The following STIM1 variants were observed in gnomAD, a reference collection of about 807,000 sequenced individuals.
STIM1 encodes the protein stromal interaction molecule 1.
Under a neutral mutation model 74.7 loss-of-function variants are expected in STIM1, and 25 were observed. The observed-to-expected ratio is 0.33, with a 90% CI of 0.24 to 0.47. STIM1 has a LOEUF of 0.47. Among genes scored for constraint, STIM1 ranks in the 20% least tolerant of loss-of-function variants. STIM1 has a pLI of 1.00. For synonymous variants in STIM1, 328 were observed against 348.8 expected, an observed-to-expected ratio of 0.94 and a Z score of 0.66; for missense variants, 728 against 920.8, an observed-to-expected ratio of 0.79 and a Z score of 2.71.
chr11:3,856,228 C>T lies in STIM1; in HGVS notation c.-43C>T, dbSNP rs1404105494. 1.9e-6 allele frequency: 3 copies of T among 1,613,248 alleles called. No individual in the cohort carries two copies. Among genetic ancestry groups the T allele is most frequent in the East Asian group, 4.5e-5 (2 of 44,874 alleles). On this transcript the variant is annotated 5_prime_UTR_variant, in exon 1 of 13. Transcript: ENST00000526596. ...GCTCCTGGCTTTGCCTCTGGGATCC[C>T]GAGGTGTCCACATCAGACGCATGTT...
intron 2 of STIM1, among the ~76,000 whole-genome samples, chr11:3,978,500 C>T (rs2093471467): frequency 6.6e-6 from 1 of 150,682 alleles, no homozygotes; most frequent in Admixed American, 6.6e-5. Flanking sequence ...GTGGCTCATG[C>T]CTGTAATCCC....
chr11:4,025,692 G>T (rs1486746293), intron 3 of STIM1, among the ~76,000 whole-genome samples: 1 of 152,186 alleles, frequency 6.6e-6, no homozygotes, highest in Non-Finnish European at 1.5e-5. Flanking sequence ...TCTAGGAAAG[G>T]AAAGTGAGAG....
At chr11:3,948,550 C>G (rs1161929615) in intron 1 of STIM1, among the ~76,000 whole-genome samples, 1 of 152,148 alleles carries the variant, frequency 6.6e-6, no homozygotes, top group Non-Finnish European at 1.5e-5. Flanking sequence ...GACAACTTTT[C>G]TAGCTCTACA....
chr11:4,028,113 C>T (rs1200945007), intron 3 of STIM1, among the ~76,000 whole-genome samples: 2 of 151,914 alleles, frequency 1.3e-5, no homozygotes, highest in Non-Finnish European at 2.9e-5. Flanking sequence ...GACAGAGTCT[C>T]ACTCTGTAGC....
intron 1 of STIM1, among the ~76,000 whole-genome samples, chr11:3,912,929 C>T (rs1365571979): frequency 2.0e-5 from 3 of 152,190 alleles, no homozygotes; most frequent in Non-Finnish European, 2.9e-5. Context: ...TGTGGTGCTT[C>T]TCTTTCCCTT....
chr11:4,057,767 G>A (rs377680174), intron 4 of STIM1, among the ~76,000 whole-genome samples: 2 of 152,054 alleles, frequency 1.3e-5, no homozygotes, highest in Non-Finnish European at 2.9e-5. Flanking sequence ...CTACTCGGGA[G>A]GCTGAGGCAG....
intron 1 of STIM1, among the ~76,000 whole-genome samples, chr11:3,895,627 T>C (rs1590537311): frequency 2.1e-4 from 1 of 4,770 alleles, no homozygotes; most frequent in Non-Finnish European, 7.2e-4. Context: ...TCTTTCTTTC[T>C]TTCTTTCTTT....
intron 3 of STIM1, among the ~76,000 whole-genome samples, chr11:4,034,988 CT>C (rs2094086654): frequency 1.3e-5 from 2 of 152,022 alleles, no homozygotes; most frequent in African/African-American, 4.8e-5. Flanking sequence ...CTTTTCTTTA[CT>C]GATTGGTCTT....
In STIM1 at chr11:3,954,667, G is replaced by T. The variant is rs143784788; in HGVS notation, c.140-12885G>T. Among the ~76,000 whole-genome samples, 47 of 152,278 alleles carry T rather than the reference G, an allele frequency of 3.1e-4. 1 individual carries two copies. The highest frequency in any genetic ancestry group is 4.6e-4 in the Admixed American group (7 of 15,300). On this transcript the variant is annotated intron_variant, in intron 1 of 12. Coordinates refer to ENST00000526596, the MANE Select transcript of STIM1 (RefSeq NM_001382567.1). ...AGATCAGCAGCATGAGTCAGAATTTGCAGGTTAAGAAAGAAGTAAGAGCCT... is the reference window on the plus strand; with the variant it reads ...AGATCAGCAGCATGAGTCAGAATTTTCAGGTTAAGAAAGAAGTAAGAGCCT...
intron 2 of STIM1, among the ~76,000 whole-genome samples, chr11:3,977,963 T>G (rs1265461212): frequency 6.6e-6 from 1 of 152,124 alleles, no homozygotes; most frequent in African/African-American, 2.4e-5. Flanking sequence ...CATTTAGCCA[T>G]GGGAGCCACT....
At chr11:3,900,501 A>G (rs4457735) in intron 1 of STIM1, among the ~76,000 whole-genome samples, 46,493 of 152,150 alleles carry the variant, frequency 0.31, 7,288 homozygotes, top group South Asian at 0.39. Context: ...TCACATGGAA[A>G]TGCAGAAATC....
Position 4,080,471 on chromosome 11 carries a change from T to TTTC in STIM1, c.970-1711_970-1710insCTT, listed in dbSNP as rs1447327442. 1.8e-3 allele frequency among the ~76,000 whole-genome samples: 265 copies of TTTC among 150,282 alleles called. 3 individuals are homozygous for TTTC. Among genetic ancestry groups the TTTC allele is most frequent in the Non-Finnish European group, 3.0e-3 (201 of 67,278 alleles). On this transcript the variant is annotated intron_variant, in intron 7 of 12. Coordinates refer to ENST00000526596, the MANE Select transcript of STIM1 (RefSeq NM_001382567.1). ...ATTTCTCTCTTTAACCAAACAGTTT[T>TTTC]TTTTTTTTTTTTTGAGACAGTGTCT...
intron 1 of STIM1, among the ~76,000 whole-genome samples, chr11:3,907,146 C>T (rs2092478547): frequency 6.6e-6 from 1 of 152,116 alleles, no homozygotes; most frequent in Non-Finnish European, 1.5e-5. Context: ...TCTCCAATAC[C>T]TTAAGAATAA....
At chr11:4,055,182 A>G (rs772826301) in intron 3 of STIM1, among the ~76,000 whole-genome samples, 5 of 152,222 alleles carry the variant, frequency 3.3e-5, no homozygotes, top group Non-Finnish European at 7.3e-5. Flanking sequence ...GTACAGTTTG[A>G]TGCATTTTGA....
chr11:3,980,898 C>T (rs980425228), intron 2 of STIM1, among the ~76,000 whole-genome samples: 3 of 152,128 alleles, frequency 2.0e-5, no homozygotes, highest in African/African-American at 7.2e-5. Context: ...TCCAGTTTGA[C>T]AACCAAAAAT....
chr11:4,039,030 G>T (rs1188504726), intron 3 of STIM1, among the ~76,000 whole-genome samples: 2 of 152,136 alleles, frequency 1.3e-5, no homozygotes, highest in African/African-American at 4.8e-5. Flanking sequence ...CTATTGGTCG[G>T]ATAACCCTTC....
intron 5 of STIM1, among the ~76,000 whole-genome samples, chr11:4,062,440 CA>C (rs2094337533): frequency 1.3e-5 from 2 of 152,060 alleles, no homozygotes; most frequent in African/African-American, 4.8e-5. Context: ...GCCAACATGG[CA>C]AAACCCTGTC....
At chr11:4,036,026 C>T (rs1203838140) in intron 3 of STIM1, among the ~76,000 whole-genome samples, 1 of 152,086 alleles carries the variant, frequency 6.6e-6, no homozygotes, top group Non-Finnish European at 1.5e-5. Context: ...TCCCACTCCC[C>T]TGACAATGTA....
intron 1 of STIM1, among the ~76,000 whole-genome samples, chr11:3,906,209 G>A (rs1035223249): frequency 2.0e-5 from 3 of 152,184 alleles, no homozygotes; most frequent in African/African-American, 7.2e-5. Context: ...CACAGTGGTA[G>A]GCTTCTTCCT....
Sources: gnomAD v4.1 joint callset for allele counts (sites outside exome capture counted in the v4.1 genomes callset) on GRCh38, gnomAD v4.1.1 for gene constraint, MANE v1.5 for transcripts, NCBI Gene and HGNC (gene_info 2026-07-23, HGNC 2026-07-21) for gene names.